ZNF462: variants seen among roughly 807,000 people sequenced by gnomAD.
ZNF462 encodes zinc finger protein 462.
Under a neutral mutation model 201.9 loss-of-function variants are expected in ZNF462, and 10 were observed. The ratio of observed to expected loss-of-function variants is 0.05; its 90% CI spans 0.03 to 0.08. ZNF462 has a LOEUF of 0.08. ZNF462 is among the 10% of genes least tolerant of loss of function. ZNF462 has a pLI of 1.00. For synonymous variants in ZNF462, 1,227 were observed against 1,193.3 expected (o/e 1.03, Z -0.58); for missense variants, 2,523 against 3,168.3 (o/e 0.80, Z 4.89).
rs1007119882 is a variant in ZNF462, at chr9:106,919,915, T to C, written c.-30-3439T>C. Among the ~76,000 whole-genome samples the C allele has an allele frequency of 3.3e-5, 5 of 152,194 alleles. No homozygotes were observed. The highest frequency in any genetic ancestry group is 7.3e-5 in the Non-Finnish European group (5 of 68,040). On this transcript the variant is annotated intron_variant, in intron 1 of 12. Transcript: ENST00000277225. The surrounding 1 kb of genome is among the most constrained non-coding windows in gnomAD (Gnocchi z 4.5). ...CTCATGACCTTTTGAAATAGACTCT[T>C]TTTAGTTAGTTCAGAAACTTCCTCT...
At chr9:106,879,338 C>CCA (rs56058561) in intron 1 of ZNF462, among the ~76,000 whole-genome samples, 2 of 107,050 alleles carry the variant, frequency 1.9e-5, no homozygotes, top group African/African-American at 7.0e-5. Context: ...TTCCACCCCC[C>CCA]CCCCCACCCC....
At chr9:106,904,820 C>T (rs962490027) in intron 1 of ZNF462, among the ~76,000 whole-genome samples, 2 of 152,100 alleles carry the variant, frequency 1.3e-5, no homozygotes, top group Non-Finnish European at 2.9e-5. Flanking sequence ...CCCTTCTCTT[C>T]TTGTATCATT....
intron 7 of ZNF462, among the ~76,000 whole-genome samples, chr9:106,940,068 A>G (rs954969661): frequency 1.3e-5 from 2 of 152,198 alleles, no homozygotes; most frequent in African/African-American, 2.4e-5. Context: ...TGGACTGGAA[A>G]GAAAGCAGAA....
rs552624364 is a variant in ZNF462, at chr9:106,917,846, T to A, written c.-30-5508T>A. Among the ~76,000 whole-genome samples, 33 of 147,058 alleles carry A rather than the reference T, an allele frequency of 2.2e-4. No homozygotes were observed. In the South Asian group the frequency reaches 7.1e-3, roughly 32 times the overall value. On this transcript the variant is annotated intron_variant, in intron 1 of 12. Coordinates refer to ENST00000277225, the MANE Select transcript of ZNF462 (RefSeq NM_021224.6). This position sits in a 1 kb window ranked among gnomAD's most constrained non-coding sequence, Gnocchi z 4.5. The stretch of plus-strand genomic sequence containing the variant: ...TTTATTTTGCTGGTTTATTATTTTT[T>A]TATATTTATTTATTTATTTATTTAT...
intron 1 of ZNF462, among the ~76,000 whole-genome samples, chr9:106,922,946 G>A (rs181879003): frequency 6.6e-6 from 1 of 152,140 alleles, no homozygotes; most frequent in Non-Finnish European, 1.5e-5. Flanking sequence ...TCTTCTGTGT[G>A]GACATCCTCT....
intron 7 of ZNF462, among the ~76,000 whole-genome samples, chr9:106,943,437 G>T (rs185885522): frequency 3.3e-5 from 5 of 152,194 alleles, no homozygotes; most frequent in Middle Eastern, 3.4e-3. Flanking sequence ...TTTCTCCATT[G>T]CACAGTGGCT....
At chr9:106,959,228 A>G (rs1831718575) in intron 7 of ZNF462, among the ~76,000 whole-genome samples, 1 of 152,060 alleles carries the variant, frequency 6.6e-6, no homozygotes, top group South Asian at 2.1e-4. Context: ...CATAAGTAGC[A>G]GTGCATTTGG....
rs927197992 is a variant in ZNF462, at chr9:106,984,652, A to T, written c.7056+243A>T. Among the ~76,000 whole-genome samples the T allele has an allele frequency of 6.6e-6, 1 of 152,184 alleles. No homozygotes were observed. Among genetic ancestry groups the T allele is most frequent in the African/African-American group, 2.4e-5 (1 of 41,436 alleles). ...TACCACACTAGTCCAAATGCTGAAC[A>T]TTTCTGGTCTGTTCTCTAGACCCAC... On this transcript the variant is annotated intron_variant, in intron 10 of 12. Coordinates refer to ENST00000277225, the MANE Select transcript of ZNF462 (RefSeq NM_021224.6). The surrounding 1 kb of genome is among the most constrained non-coding windows in gnomAD (Gnocchi z 6.4).
Position 106,926,861 on chromosome 9 carries a change from G to T in ZNF462, c.2949G>T (p.Ser983=), listed in dbSNP as rs199712014. ...AGACCCTGAGGGAGATTCTGAATTC[G>T]GCTCCCAAGAACATGGCGACTTCCA... The part of the protein sequence containing the change: ...ESQTLREILN[S]APKNMATSTP... Residue 983 remains serine (S), a synonymous_variant, in exon 3 of 13, where the codon TCG becomes TCT. Transcript: ENST00000277225. The surrounding 1 kb of genome is among the most constrained non-coding windows in gnomAD (Gnocchi z 7.9). 3 of 1,614,080 alleles carry T rather than the reference G, an allele frequency of 1.9e-6. No individual in the cohort carries two copies. The highest frequency in any genetic ancestry group is 2.2e-5 in the East Asian group (1 of 44,866).
rs566986939 is a variant in ZNF462 at position 106,896,944 on chromosome 9, T to C, written c.-30-26410T>C. On this transcript the variant is annotated intron_variant, in intron 1 of 12. Transcript: ENST00000277225. ...CCAAAGTGATCACACACCCACACAT[T>C]CCCTAAAATGTGGGCTGACTTGTTG... 2.0e-5 allele frequency among the ~76,000 whole-genome samples: 3 copies of C among 152,294 alleles called. No homozygotes were observed. In the East Asian group the frequency reaches 5.8e-4, roughly 29 times the overall value.
chr9:106,997,272 CT>C (rs1399391473), intron 10 of ZNF462, among the ~76,000 whole-genome samples: 3 of 152,184 alleles, frequency 2.0e-5, no homozygotes, highest in Admixed American at 2.0e-4. Flanking sequence ...ACGAAAGCTC[CT>C]CAGAAAATTA....
In ZNF462 at chr9:106,944,927, C is replaced by T. The variant is rs7864823; in HGVS notation, c.6427+5820C>T. 9.9e-3 allele frequency among the ~76,000 whole-genome samples: 1,511 copies of T among 152,212 alleles called. 25 individuals carry two copies. Among genetic ancestry groups the T allele is most frequent in the African/African-American group, 0.033 (1,389 of 41,542 alleles). On this transcript the variant is annotated intron_variant, in intron 7 of 12. Coordinates refer to ENST00000277225, the MANE Select transcript of ZNF462 (RefSeq NM_021224.6). ...CAACTACTTAATTCTGCCATTGTAA[C>T]GTGAAAGTAGCCATAGACAATATGT...
intron 1 of ZNF462, among the ~76,000 whole-genome samples, chr9:106,901,447 G>C (rs1332588556): frequency 6.6e-6 from 1 of 152,100 alleles, no homozygotes; most frequent in African/African-American, 2.4e-5. Flanking sequence ...TTCTAATTCT[G>C]TGAAGAATGA....
chr9:107,009,477 G>A lies in ZNF462; in HGVS notation c.7190-68G>A. 1.3e-6 allele frequency: 2 copies of A among 1,597,724 alleles called. No homozygotes were observed. Among genetic ancestry groups the A allele is most frequent in the Non-Finnish European group, 8.6e-7 (1 of 1,169,134 alleles). On this transcript the variant is annotated intron_variant, in intron 11 of 12. Transcript: ENST00000277225. The surrounding 1 kb of genome is among the most constrained non-coding windows in gnomAD (Gnocchi z 6.1). ...AAGGTAGGAGAGAGGGTATCCTAATGAATGCTGACTTACCTATTCTGCTGA... is the reference window on the plus strand; with the variant it reads ...AAGGTAGGAGAGAGGGTATCCTAATAAATGCTGACTTACCTATTCTGCTGA...
At position 106,939,123 on chromosome 9, in the gene ZNF462, C is replaced by A. The variant is rs201735892; in HGVS notation, c.6427+16C>A. On this transcript the variant is annotated intron_variant, in intron 7 of 12. Coordinates refer to ENST00000277225, the MANE Select transcript of ZNF462 (RefSeq NM_021224.6). The stretch of plus-strand genomic sequence containing the variant: ...GACTCCAATGGTAAAAATGGGCTTC[C>A]AAGCTGGAATTAACCACTCAGGGTT... 2.2e-5 allele frequency: 34 copies of A among 1,570,268 alleles called. No homozygotes were observed. The highest frequency in any genetic ancestry group is 2.9e-5 in the Non-Finnish European group (34 of 1,158,416).
Position 106,928,617 on chromosome 9 carries a change from A to G in ZNF462, c.4705A>G (p.Ile1569Val). 1 of 1,614,146 alleles carries G rather than the reference A, an allele frequency of 6.2e-7. No individual in the cohort carries two copies. The highest frequency in any genetic ancestry group is 8.5e-7 in the Non-Finnish European group (1 of 1,180,030). ...SQNDVEETSR[I>V]FKQGYGAYRC... The stretch of plus-strand genomic sequence containing the variant: ...GAATGACGTGGAGGAGACGAGCAGG[A>G]TCTTCAAGCAAGGGTATGGCGCCTA... The change falls in exon 3 of 13, where the codon ATC becomes GTC. Residue 1569 changes from isoleucine to valine, a missense_variant. Coordinates refer to ENST00000277225, the MANE Select transcript of ZNF462 (RefSeq NM_021224.6). This position sits in a 1 kb window ranked among gnomAD's most constrained non-coding sequence, Gnocchi z 9.3.
Position 106,974,469 on chromosome 9 carries a change from A to G in ZNF462, c.6832+196A>G. Reference sequence around the variant, plus strand: ...CCTTCCTGCTGGGAGTATTTCCTCCACCTGGAGGGAGGCAAAGGTGATGGA... The same window carrying G: ...CCTTCCTGCTGGGAGTATTTCCTCCGCCTGGAGGGAGGCAAAGGTGATGGA... On this transcript the variant is annotated intron_variant, in intron 9 of 12. Transcript: ENST00000277225. The surrounding 1 kb of genome is among the most constrained non-coding windows in gnomAD (Gnocchi z 4.0). 1.3e-6 allele frequency: 1 copy of G among 768,330 alleles called. No individual in the cohort carries two copies. Among genetic ancestry groups the G allele is most frequent in the South Asian group, 1.6e-5 (1 of 61,708 alleles). 47.6% of individuals were successfully genotyped at this position (768,330 alleles called of 1,614,324 possible). A position where few individuals can be genotyped will look rare whatever the true frequency, so the allele number is the denominator to read the frequency against.
intron 1 of ZNF462, among the ~76,000 whole-genome samples, chr9:106,910,958 G>T (rs930398072): frequency 6.6e-6 from 1 of 152,152 alleles, no homozygotes; most frequent in Non-Finnish European, 1.5e-5. Context: ...TATCACGAAA[G>T]CGTCATGTCA....
chr9:106,881,455 G>GA (rs1372505723), intron 1 of ZNF462, among the ~76,000 whole-genome samples: 5 of 151,754 alleles, frequency 3.3e-5, no homozygotes, highest in Middle Eastern at 3.4e-3. Context: ...TCCCTATCTG[G>GA]AAAAAAAATC....
Sources: allele counts gnomAD v4.1 joint callset (sites outside exome capture counted in the v4.1 genomes callset), GRCh38; gene constraint gnomAD v4.1.1; non-coding constraint Gnocchi (gnomAD v3.1); transcripts MANE v1.5; gene names NCBI Gene and HGNC (gene_info 2026-07-23, HGNC 2026-07-21).